NXPE2: variants seen among roughly 807,000 people sequenced by gnomAD.
NXPE2 encodes neurexophilin and PC-esterase domain family member 2.
NXPE2 carries 34 observed loss-of-function variants against 34.4 expected under a neutral mutation model. The ratio of observed to expected loss-of-function variants is 0.99; its 90% confidence interval spans 0.75 to 1.31. The LOEUF is 1.31. NXPE2 is among the 40% of genes most tolerant of loss of function. The pLI, the probability that NXPE2 is intolerant of heterozygous loss-of-function variation, is 0.00. For missense variants in NXPE2, 649 were observed against 672.5 expected (o/e 0.97, Z 0.39); for synonymous variants, 235 against 231.3 (o/e 1.02, Z -0.15).
the NXPE2 span, among the ~76,000 whole-genome samples, chr11:114,628,200 A>C: frequency 6.9e-6 from 1 of 144,474 alleles, no homozygotes; most frequent in East Asian, 2.0e-4. Context: ...TCTCCACCCC[A>C]AATCAACAGA....
At chr11:114,776,504 G>A in the NXPE2 span, among the ~76,000 whole-genome samples, 1 of 152,250 alleles carries the variant, frequency 6.6e-6, no homozygotes, top group African/African-American at 2.4e-5. Context: ...CGGAGATACT[G>A]TCAATTACAA....
the NXPE2 span, among the ~76,000 whole-genome samples, chr11:114,633,978 AGTAATGG>A: frequency 1.3e-5 from 2 of 151,998 alleles, no homozygotes; most frequent in Admixed American, 6.6e-5. Flanking sequence ...GTATATACCC[AGTAATGG>A]GATGGCTGGG....
chr11:114,633,271 G>A, the NXPE2 span, among the ~76,000 whole-genome samples: 4 of 132,908 alleles, frequency 3.0e-5, no homozygotes, highest in Non-Finnish European at 4.6e-5. Context: ...ATGTTATATA[G>A]TATTATGTTA....
At chr11:114,789,952 G>A in the NXPE2 span, among the ~76,000 whole-genome samples, 1 of 152,216 alleles carries the variant, frequency 6.6e-6, no homozygotes, top group Non-Finnish European at 1.5e-5. Context: ...AATGTTTGCT[G>A]ATGGACGAAT....
At chr11:114,807,351 T>C in the NXPE2 span, among the ~76,000 whole-genome samples, 1 of 152,224 alleles carries the variant, frequency 6.6e-6, no homozygotes, top group Non-Finnish European at 1.5e-5. Flanking sequence ...ATATTAACTT[T>C]AAATGTAAAT....
At chr11:114,465,204 C>T in the NXPE2 span, among the ~76,000 whole-genome samples, 1 of 152,164 alleles carries the variant, frequency 6.6e-6, no homozygotes, top group East Asian at 1.9e-4. Flanking sequence ...AAATCTTACA[C>T]ATATGCACAA....
the NXPE2 span, among the ~76,000 whole-genome samples, chr11:114,644,423 T>C: frequency 4.6e-5 from 7 of 152,134 alleles, no homozygotes; most frequent in Admixed American, 2.0e-4. Flanking sequence ...TTTTGAGATA[T>C]AGTCCATCAA....
chr11:114,595,173 A>G, the NXPE2 span, among the ~76,000 whole-genome samples: 2 of 152,194 alleles, frequency 1.3e-5, no homozygotes, highest in Non-Finnish European at 2.9e-5. Flanking sequence ...CCACATCATT[A>G]CAGTGCCTGT....
chr11:114,696,535 A>G (rs1371364029), intron 2 of NXPE2, among the ~76,000 whole-genome samples: 1 of 152,146 alleles, frequency 6.6e-6, no homozygotes, highest in Non-Finnish European at 1.5e-5. Context: ...GAAAATTACC[A>G]AGAATAAATA....
At chr11:114,496,780 G>T in the NXPE2 span, among the ~76,000 whole-genome samples, 4 of 152,188 alleles carry the variant, frequency 2.6e-5, no homozygotes, top group East Asian at 7.7e-4. Context: ...TATGATGGTG[G>T]TCTCTTAAGA....
chr11:114,478,391 G>A, the NXPE2 span, among the ~76,000 whole-genome samples: 1 of 152,130 alleles, frequency 6.6e-6, no homozygotes, highest in Non-Finnish European at 1.5e-5. Flanking sequence ...TTTAGCTTTT[G>A]AAAAGATTTA....
At chr11:114,622,297 T>C in the NXPE2 span, among the ~76,000 whole-genome samples, 1 of 151,880 alleles carries the variant, frequency 6.6e-6, no homozygotes, top group African/African-American at 2.4e-5. Flanking sequence ...TGCTGGATAA[T>C]AATTGTTGCC....
At position 114,698,050 on chromosome 11, in the gene NXPE2, G is replaced by A. The variant is rs118073951; in HGVS notation, c.138G>A (p.Ser46=). The A allele has an allele frequency of 8.9e-4, 1,329 of 1,490,858 alleles. 2 individuals carry two copies. The highest frequency in any genetic ancestry group is 1.1e-3 in the Admixed American group (45 of 42,510). The allele number at this position is 1,490,858 out of a possible 1,614,324, so 92.4% of individuals were successfully genotyped here. A position where few individuals can be genotyped will look rare whatever the true frequency, so the allele number is the denominator to read the frequency against. ...YLASKDHTKF[S]FNLENHIILN... is the part of the protein sequence containing the mutation. ...TTTCCCTTTCAATATTTCAGTTCTC[G>A]TTCAACTTGGAAAACCATATTATCC... Residue 46 remains serine, a synonymous_variant, in exon 3 of 6, where the codon TCG becomes TCA. Coordinates refer to ENST00000389586, the MANE Select transcript of NXPE2 (RefSeq NM_182495.6).
At chr11:114,801,245 T>C in the NXPE2 span, among the ~76,000 whole-genome samples, 1 of 151,876 alleles carries the variant, frequency 6.6e-6, no homozygotes, top group Non-Finnish European at 1.5e-5. Flanking sequence ...AGATTGTTAC[T>C]AAAGAATCAG....
At chr11:114,632,576 ATAT>A in the NXPE2 span, among the ~76,000 whole-genome samples, 1 of 112,076 alleles carries the variant, frequency 8.9e-6, no homozygotes, top group African/African-American at 3.5e-5. Flanking sequence ...TACATATATC[ATAT>A]ATTTATTGTA....
At chr11:114,617,801 C>T in the NXPE2 span, among the ~76,000 whole-genome samples, 159 of 152,096 alleles carry the variant, frequency 1.0e-3, 1 homozygote, top group Non-Finnish European at 1.8e-3. Context: ...CACGGTTACC[C>T]GATGGATAAT....
the NXPE2 span, chr11:114,583,462 T>C: frequency 4.5e-6 from 3 of 664,458 alleles, no homozygotes; most frequent in South Asian, 1.4e-5. Flanking sequence ...ACCACAGTGA[T>C]GACTACATTA....
the NXPE2 span, among the ~76,000 whole-genome samples, chr11:114,719,657 C>T: frequency 1.3e-5 from 2 of 152,260 alleles, no homozygotes; most frequent in Non-Finnish European, 2.9e-5. Context: ...AAGCAGCTGT[C>T]GCCAGCCTCA....
At chr11:114,605,240 G>A in the NXPE2 span, among the ~76,000 whole-genome samples, 1 of 151,918 alleles carries the variant, frequency 6.6e-6, no homozygotes, top group Non-Finnish European at 1.5e-5. Context: ...GTTACCCACT[G>A]GATAATAAGT....
Sources: allele counts gnomAD v4.1 joint callset (sites outside exome capture counted in the v4.1 genomes callset), GRCh38; gene constraint gnomAD v4.1.1; transcripts MANE v1.5; gene names NCBI Gene and HGNC (gene_info 2026-07-23, HGNC 2026-07-21).